FBP2: variants seen among roughly 807,000 people sequenced by gnomAD.
FBP2 encodes fructose-bisphosphatase 2.
Under a neutral mutation model 31.6 loss-of-function variants are expected in FBP2, and 27 were observed. The observed-to-expected ratio is 0.85, with a 90% CI of 0.63 to 1.18. The LOEUF is 1.18. FBP2 is among the 50% of genes most tolerant of loss of function. The pLI, the probability that FBP2 is intolerant of heterozygous loss-of-function variation, is 0.00. For synonymous variants in FBP2, 168 were observed against 179.8 expected, an observed-to-expected ratio of 0.93 and a Z score of 0.53; for missense variants, 421 against 436.1, an observed-to-expected ratio of 0.97 and a Z score of 0.31.
intron 5 of FBP2, among the ~76,000 whole-genome samples, chr9:94,564,995 T>C (rs1288227992): frequency 1.3e-5 from 2 of 152,334 alleles, no homozygotes; most frequent in East Asian, 1.9e-4. Context: ...TTCCTAATTA[T>C]ACTGATCTGA....
chr9:94,585,870 C>T (rs765426572), intron 2 of FBP2, among the ~76,000 whole-genome samples: 4 of 151,860 alleles, frequency 2.6e-5, no homozygotes, highest in Non-Finnish European at 4.4e-5. Context: ...CTCAGACTCC[C>T]GAGTAGCTGG....
At position 94,590,552 on chromosome 9, in the gene FBP2, G is replaced by T. The variant is rs180864269; in HGVS notation, c.170+3005C>A. Among the ~76,000 whole-genome samples, 16 of 152,220 alleles carry T rather than the reference G, an allele frequency of 1.1e-4. 1 individual carries two copies. The East Asian group carries it at 2.9e-3, about 28-fold the overall frequency. ...CGGTGAGTGTTACAGCTCTTAAGGT[G>T]GCGCATCTGGAGTTGTTCGTTCCTC... On this transcript the variant is annotated intron_variant, in intron 1 of 6. Coordinates refer to ENST00000375337, the MANE Select transcript of FBP2 (RefSeq NM_003837.4).
At chr9:94,570,591 A>AT (rs1209032297) in intron 4 of FBP2, 1 of 152,212 alleles carries the variant, frequency 6.6e-6, no homozygotes, top group African/African-American at 2.4e-5. Flanking sequence ...TGAGGGTAAT[A>AT]TTTGCAAGCC....
rs781654714 is a variant in FBP2, at chr9:94,559,069, T to C, written c.889A>G (p.Thr297Ala). ...TCCAGTACAGGCTGGGTCCCCGTGG[T>C]CGCCAAGCCTCCTGCCTGCTCAATG... ...YIIEQAGGLA[T>A]TGTQPVLDVK... Residue 297 changes from threonine to alanine, a missense_variant, in exon 7 of 7, where the codon ACC becomes GCC. Transcript: ENST00000375337. 6.2e-7 allele frequency: 1 copy of C among 1,614,014 alleles called. No homozygotes were observed. Among genetic ancestry groups the C allele is most frequent in the South Asian group, 1.1e-5 (1 of 91,052 alleles).
At chr9:94,565,451 A>C (rs1827172239) in intron 5 of FBP2, among the ~76,000 whole-genome samples, 1 of 150,734 alleles carries the variant, frequency 6.6e-6, no homozygotes, top group Non-Finnish European at 1.5e-5. Flanking sequence ...ACATTTTCTT[A>C]TATTTTTTGT....
At chr9:94,586,941 T>G (rs1587845720) in intron 2 of FBP2, 1 of 165,562 alleles carries the variant, frequency 6.0e-6, no homozygotes. Context: ...GGGGCGGGGG[T>G]GGAATGAGAA....
rs201232926 is a variant in FBP2 at position 94,565,778 on chromosome 9, A to C, written c.705+1492T>G. On this transcript the variant is annotated intron_variant, in intron 5 of 6. Transcript: ENST00000375337. ...GAAAATAGATACATAGATGATAGAT[A>C]GATAGATAGATGATAGATAGGTGAG... Among the ~76,000 whole-genome samples, 2,104 of 66,268 alleles carry C rather than the reference A, an allele frequency of 0.032. 155 individuals carry two copies. The East Asian group carries it at 0.38, about 12-fold the overall frequency. 43.5% of individuals were successfully genotyped at this position (66,268 alleles called of 152,430 possible).
chr9:94,561,589 T>G (rs577310417), intron 6 of FBP2, among the ~76,000 whole-genome samples: 6 of 152,130 alleles, frequency 3.9e-5, no homozygotes, highest in Admixed American at 2.6e-4. Context: ...ATGGTCTCGA[T>G]CTTCTGACCT....
chr9:94,570,732 G>A (rs1008480465), intron 4 of FBP2: 1 of 151,998 alleles, frequency 6.6e-6, no homozygotes, highest in African/African-American at 2.4e-5. Flanking sequence ...AAGTTTCTGG[G>A]TTTCCATACT....
chr9:94,570,254 T>C (rs530037906), intron 4 of FBP2: 3 of 152,334 alleles, frequency 2.0e-5, no homozygotes, highest in Non-Finnish European at 2.9e-5. Flanking sequence ...AGAATGTTCA[T>C]GGAGATATTT....
intron 5 of FBP2, among the ~76,000 whole-genome samples, chr9:94,565,799 G>A (rs1827180631): frequency 2.0e-5 from 3 of 151,280 alleles, no homozygotes; most frequent in Non-Finnish European, 2.9e-5. Context: ...TGATAGATAG[G>A]TGAGAGTGAG....
intron 3 of FBP2, among the ~76,000 whole-genome samples, chr9:94,583,725 G>C (rs1325031270): frequency 6.6e-6 from 1 of 152,126 alleles, no homozygotes; most frequent in Non-Finnish European, 1.5e-5. Flanking sequence ...TCAGCCTCCT[G>C]AGTAGCTGGA....
intron 1 of FBP2, among the ~76,000 whole-genome samples, chr9:94,590,545 T>C (rs1364495705): frequency 6.6e-6 from 1 of 152,140 alleles, no homozygotes; most frequent in African/African-American, 2.4e-5. Flanking sequence ...GTTACAGCTC[T>C]TAAGGTGGCG....
chr9:94,578,551 A>T (rs868304042), intron 3 of FBP2, among the ~76,000 whole-genome samples: 1 of 152,170 alleles, frequency 6.6e-6, no homozygotes, highest in Middle Eastern at 3.4e-3. Flanking sequence ...CTAATTTTTT[A>T]AAAATTATAA....
At chr9:94,580,762 C>G (rs1363143658) in intron 3 of FBP2, among the ~76,000 whole-genome samples, 1 of 152,196 alleles carries the variant, frequency 6.6e-6, no homozygotes, top group African/African-American at 2.4e-5. Context: ...TCTAGTATCA[C>G]TACCTCTAGT....
Position 94,571,518 on chromosome 9 carries a change from C to A in FBP2, c.511G>T (p.Ala171Ser), listed in dbSNP as rs201554574. The A allele has an allele frequency of 4.2e-5, 67 of 1,613,890 alleles. No homozygotes were observed. The East Asian group carries it at 9.1e-4, about 22-fold the overall frequency. Residue 171 changes from alanine to serine, a missense_variant, in exon 4 of 7, where the codon GCA (alanine) becomes TCA (serine). Transcript: ENST00000375337. ...VAAGYALYGS[A>S]TLVALSTGQG... ...CCTGTGGAGAGAGCCACCAGGGTTG[C>A]ACTACCGTACAGCGCATAACCTGCG...
At chr9:94,562,967 A>C (rs1460655800) in intron 6 of FBP2, among the ~76,000 whole-genome samples, 1 of 152,170 alleles carries the variant, frequency 6.6e-6, no homozygotes, top group Non-Finnish European at 1.5e-5. Flanking sequence ...TGTTCTGGGA[A>C]GTGTGTTGAT....
chr9:94,575,950 A>G (rs185084991), intron 3 of FBP2, among the ~76,000 whole-genome samples: 317 of 152,306 alleles, frequency 2.1e-3, no homozygotes, highest in Non-Finnish European at 9.0e-4. Context: ...CTTTTCTCTT[A>G]GCTATAAAAT....
chr9:94,559,908 G>A (rs79021809), intron 6 of FBP2, among the ~76,000 whole-genome samples: 14,010 of 152,076 alleles, frequency 0.092, 1,277 homozygotes, highest in African/African-American at 0.23. Context: ...CAAAAGGATC[G>A]CTTGAGTCCA....
Sources: gnomAD v4.1 joint callset for allele counts (sites outside exome capture counted in the v4.1 genomes callset) on GRCh38, gnomAD v4.1.1 for gene constraint, MANE v1.5 for transcripts, NCBI Gene and HGNC (gene_info 2026-07-23, HGNC 2026-07-21) for gene names.